Variants in CTNNA2 observed in about 807,000 individuals in gnomAD.
The protein encoded by CTNNA2 is catenin alpha-2.
Under a neutral mutation model 101.0 loss-of-function variants are expected in CTNNA2, and 42 were observed. The ratio of observed to expected loss-of-function variants is 0.42; its 90% CI spans 0.32 to 0.54. CTNNA2 has a LOEUF of 0.54. CTNNA2 is among the 20% of genes least tolerant of loss of function. The pLI is 0.14. For missense variants in CTNNA2, 871 were observed against 1,223.1 expected (o/e 0.71, Z 4.29); for synonymous variants, 450 against 456.4 (o/e 0.99, Z 0.18).
chr2:80,217,808 A>G (rs75121747), intron 7 of CTNNA2, among the ~76,000 whole-genome samples: 4,459 of 152,254 alleles, frequency 0.029, 230 homozygotes, highest in African/African-American at 0.1. Context: ...AGAGGGGTTC[A>G]GGGCTGGACC....
At chr2:79,235,821 G>C (rs1372660253) in intron 2 of CTNNA2, among the ~76,000 whole-genome samples, 1 of 152,208 alleles carries the variant, frequency 6.6e-6, no homozygotes, top group Non-Finnish European at 1.5e-5. Flanking sequence ...ACAGAAGCAG[G>C]ACAGCTGGGC....
chr2:79,589,011 G>A (rs1032993477), intron 1 of CTNNA2, among the ~76,000 whole-genome samples: 2 of 152,200 alleles, frequency 1.3e-5, no homozygotes, highest in Admixed American at 1.3e-4. Flanking sequence ...CTTACTGAGT[G>A]CTCAATACAT....
intron 2 of CTNNA2, among the ~76,000 whole-genome samples, chr2:79,270,537 T>C (rs930375039): frequency 1.3e-5 from 2 of 152,090 alleles, no homozygotes; most frequent in Non-Finnish European, 2.9e-5. Flanking sequence ...TGCTCTTACA[T>C]GGCAGCAATT....
chr2:79,700,747 G>C (rs577443927), intron 2 of CTNNA2, among the ~76,000 whole-genome samples: 25 of 152,270 alleles, frequency 1.6e-4, no homozygotes, highest in African/African-American at 6.0e-4. Flanking sequence ...TTTAGGATGT[G>C]ATATAGGGAA....
chr2:79,237,017 C>T (rs79181659), intron 2 of CTNNA2, among the ~76,000 whole-genome samples: 10,715 of 152,254 alleles, frequency 0.07, 484 homozygotes, highest in Admixed American at 0.13. Context: ...TTAATGGCAT[C>T]TAAAATGGTG....
intron 7 of CTNNA2, among the ~76,000 whole-genome samples, chr2:80,067,505 G>A (rs941016099): frequency 8.5e-5 from 13 of 152,116 alleles, no homozygotes; most frequent in Admixed American, 3.3e-4. Flanking sequence ...CTTAAAGTAC[G>A]TATACAGAAT....
rs1297735908 is a variant in CTNNA2 at position 80,303,688 on chromosome 2, C to G, written c.1057-89523C>G. 1 of 1,610,714 alleles carries G rather than the reference C, an allele frequency of 6.2e-7. No individual in the cohort carries two copies. On this transcript the variant is annotated intron_variant, in intron 7 of 18. Transcript: ENST00000402739. This position sits in a 1 kb window ranked among gnomAD's most constrained non-coding sequence, Gnocchi z 7.7. ...CGCAGTACAGCAGCCGCCCCTCGCA[C>G]CGGCACAGCTGCGGGCACCCGCTGG...
In CTNNA2 at chr2:79,496,222, G is replaced by GT. The variant is rs146339430; in HGVS notation, c.-134-8829dup. ...CCAAAAAAATTTAGCAATTGTTTCT[G>GT]TTTATAAGCTTTAGAATTTTTTTCT... On this transcript the variant is annotated intron_variant, in intron 4 of 21. Transcript: ENST00000466387. 3.5e-3 allele frequency among the ~76,000 whole-genome samples: 529 copies of GT among 152,020 alleles called. 2 individuals are homozygous for GT. The highest frequency in any genetic ancestry group is 9.5e-3 in the African/African-American group (395 of 41,508).
At chr2:80,281,201 G>A (rs1251963673) in intron 7 of CTNNA2, among the ~76,000 whole-genome samples, 1 of 152,130 alleles carries the variant, frequency 6.6e-6, no homozygotes, top group Non-Finnish European at 1.5e-5. Flanking sequence ...ACTTGCTCAG[G>A]ATCTGTGTTG....
chr2:80,278,052 G>T (rs1674065410), intron 7 of CTNNA2, among the ~76,000 whole-genome samples: 1 of 152,048 alleles, frequency 6.6e-6, no homozygotes, highest in Non-Finnish European at 1.5e-5. Context: ...AGAGATTGTG[G>T]CTTGACACCT....
At chr2:79,588,327 A>G (rs1676625928) in intron 1 of CTNNA2, among the ~76,000 whole-genome samples, 1 of 152,168 alleles carries the variant, frequency 6.6e-6, no homozygotes, top group South Asian at 2.1e-4. Flanking sequence ...GAGCTTCAGT[A>G]TCTTGTTCAT....
intron 7 of CTNNA2, among the ~76,000 whole-genome samples, chr2:80,010,948 G>A (rs1693734201): frequency 1.3e-5 from 2 of 152,082 alleles, no homozygotes; most frequent in African/African-American, 2.4e-5. Context: ...ATTTTCAAGT[G>A]TGGAATCAAT....
At chr2:80,232,879 G>T (rs1006834678) in intron 7 of CTNNA2, among the ~76,000 whole-genome samples, 1 of 152,166 alleles carries the variant, frequency 6.6e-6, no homozygotes, top group African/African-American at 2.4e-5. Context: ...TGCAATCAAA[G>T]ATGAGAAAGG....
intron 7 of CTNNA2, among the ~76,000 whole-genome samples, chr2:80,093,972 G>A (rs1281378859): frequency 6.6e-6 from 1 of 151,776 alleles, no homozygotes; most frequent in Non-Finnish European, 1.5e-5. Context: ...TCACTCTGAT[G>A]GTAGTTTCTT....
intron 10 of CTNNA2, 118 bp downstream of exon 10, chr2:80,545,192 G>T: frequency 2.2e-6 from 2 of 915,770 alleles, no homozygotes; most frequent in Non-Finnish European, 3.3e-6. Flanking sequence ...CATCATTTAT[G>T]AGCTGTTTCA....
At chr2:79,470,813 G>A (rs1342811019) in intron 4 of CTNNA2, among the ~76,000 whole-genome samples, 1 of 152,096 alleles carries the variant, frequency 6.6e-6, no homozygotes, top group African/African-American at 2.4e-5. Flanking sequence ...ACTAACTTTG[G>A]TGCATACACG....
intron 4 of CTNNA2, among the ~76,000 whole-genome samples, chr2:79,399,850 T>C (rs1231981217): frequency 6.6e-6 from 1 of 151,910 alleles, no homozygotes. Flanking sequence ...GGAAACCTTG[T>C]GTAAAGAAGT....
intron 7 of CTNNA2, among the ~76,000 whole-genome samples, chr2:80,076,622 C>A (rs996690550): frequency 2.6e-5 from 4 of 151,726 alleles, no homozygotes; most frequent in African/African-American, 9.7e-5. Flanking sequence ...GGAGTTGTCC[C>A]TTGCATATCA....
intron 7 of CTNNA2, among the ~76,000 whole-genome samples, chr2:80,098,193 G>A (rs1459409857): frequency 1.3e-5 from 2 of 152,118 alleles, no homozygotes; most frequent in Non-Finnish European, 2.9e-5. Flanking sequence ...TGGTGTGGAT[G>A]TCCTTTCTGT....
Sources: gnomAD v4.1 joint callset for allele counts (sites outside exome capture counted in the v4.1 genomes callset) on GRCh38, gnomAD v4.1.1 for gene constraint, Gnocchi (gnomAD v3.1) non-coding constraint, MANE v1.5 for transcripts, NCBI Gene and HGNC (gene_info 2026-07-23, HGNC 2026-07-21) for gene names.